Variants in CYB5R4 observed in about 807,000 individuals in gnomAD.
CYB5R4 encodes the protein cytochrome b5 reductase 4.
Under a neutral mutation model 70.2 loss-of-function variants are expected in CYB5R4, and 55 were observed. The ratio of observed to expected loss-of-function variants is 0.78; its 90% confidence interval spans 0.63 to 0.98. CYB5R4 has a LOEUF of 0.98. Among genes scored for constraint, CYB5R4 ranks in the 50% least tolerant of loss-of-function variants. CYB5R4 has a pLI of 0.00. For missense variants in CYB5R4, 562 were observed against 612.6 expected, an observed-to-expected ratio of 0.92 and a Z score of 0.87; for synonymous variants, 197 against 199.5, an observed-to-expected ratio of 0.99 and a Z score of 0.11.
chr6:83,912,135 CAT>C (rs2099464799), intron 4 of CYB5R4, among the ~76,000 whole-genome samples: 2 of 151,144 alleles, frequency 1.3e-5, no homozygotes, highest in African/African-American at 2.4e-5. Flanking sequence ...GTATTGCACT[CAT>C]GTGATTCAAG....
intron 3 of CYB5R4, among the ~76,000 whole-genome samples, chr6:83,895,182 A>G (rs138848908): frequency 1.2e-3 from 183 of 152,158 alleles, no homozygotes; most frequent in Admixed American, 1.4e-3. Context: ...CTGTGTATCT[A>G]TGAGACAGAG....
chr6:83,919,148 T>C (rs1343204248), intron 6 of CYB5R4, among the ~76,000 whole-genome samples: 2 of 152,066 alleles, frequency 1.3e-5, no homozygotes, highest in African/African-American at 4.8e-5. Flanking sequence ...ATAAAAAGGG[T>C]CTTGTTGAGG....
chr6:83,930,941 C>T (rs1255252098), intron 10 of CYB5R4, among the ~76,000 whole-genome samples: 3 of 152,204 alleles, frequency 2.0e-5, no homozygotes, highest in African/African-American at 7.2e-5. Context: ...TCACCTCTCT[C>T]AGCCCTCCTA....
intron 5 of CYB5R4, 91 bp from the exon 6 acceptor site, chr6:83,917,914 A>C (rs554094102): frequency 2.9e-5 from 27 of 937,714 alleles, no homozygotes; most frequent in Non-Finnish European, 4.4e-5. Context: ...CCTTTTATGA[A>C]TATATGTGAT....
At chr6:83,946,394 C>A (rs1379226263) in intron 14 of CYB5R4, among the ~76,000 whole-genome samples, 1 of 151,130 alleles carries the variant, frequency 6.6e-6, no homozygotes, top group Non-Finnish European at 1.5e-5. Flanking sequence ...TAAAAACACT[C>A]AAACTAGGTA....
intron 2 of CYB5R4, among the ~76,000 whole-genome samples, chr6:83,885,806 T>C (rs2099460163): frequency 6.6e-6 from 1 of 152,152 alleles, no homozygotes; most frequent in South Asian, 2.1e-4. Flanking sequence ...CTATTGCTGG[T>C]AAGAATGGAA....
rs2099474226 is a variant in CYB5R4 at position 83,967,311 on chromosome 6, AAG to A, written c.*7436_*7437del. The A allele has an allele frequency of 6.6e-6, 1 of 152,226 alleles. No homozygotes were observed. Among genetic ancestry groups the A allele is most frequent in the Non-Finnish European group, 1.5e-5 (1 of 68,036 alleles). 9.4% of individuals were successfully genotyped at this position (152,226 alleles called of 1,614,324 possible). A position where few individuals can be genotyped will look rare whatever the true frequency, so the allele number is the denominator to read the frequency against. ...AAAACAAAATGAGAGTTAAAAAAGA[AAG>A]AGTATAGGTATATGCTAAACTATTT... On this transcript the variant is annotated 3_prime_UTR_variant, in exon 16 of 16. Coordinates refer to ENST00000369681, the MANE Select transcript of CYB5R4 (RefSeq NM_016230.4).
intron 15 of CYB5R4, among the ~76,000 whole-genome samples, chr6:83,958,483 C>T (rs764602353): frequency 6.6e-6 from 1 of 152,048 alleles, no homozygotes; most frequent in African/African-American, 2.4e-5. Context: ...ACCTACCAGT[C>T]AAGAGAGATG....
chr6:83,900,853 A>G (rs1006369197), intron 3 of CYB5R4, among the ~76,000 whole-genome samples: 3 of 152,006 alleles, frequency 2.0e-5, no homozygotes, highest in African/African-American at 4.8e-5. Flanking sequence ...TTTTGAGTCT[A>G]TGTGTGTCTC....
rs377209030 is a variant in CYB5R4, at chr6:83,967,321, G to A, written c.*7443G>A. The A allele has an allele frequency of 7.9e-5, 12 of 152,244 alleles. No individual in the cohort carries two copies. The highest frequency in any genetic ancestry group is 1.4e-4 in the African/African-American group (6 of 41,552). 9.4% of individuals were successfully genotyped at this position (152,244 alleles called of 1,614,324 possible). ...GAGAGTTAAAAAAGAAAGAGTATAG[G>A]TATATGCTAAACTATTTCAGTAGTT... On this transcript the variant is annotated 3_prime_UTR_variant, in exon 16 of 16. Coordinates refer to ENST00000369681, the MANE Select transcript of CYB5R4 (RefSeq NM_016230.4).
At chr6:83,956,105 C>G (rs1413365567) in intron 15 of CYB5R4, among the ~76,000 whole-genome samples, 1 of 152,072 alleles carries the variant, frequency 6.6e-6, no homozygotes, top group Non-Finnish European at 1.5e-5. Flanking sequence ...GTGCCCTATT[C>G]TTATTTAGTA....
intron 3 of CYB5R4, among the ~76,000 whole-genome samples, chr6:83,900,178 A>C (rs1300195801): frequency 1.3e-5 from 2 of 151,956 alleles, no homozygotes; most frequent in Non-Finnish European, 2.9e-5. Flanking sequence ...CTTTGTTCTC[A>C]TTGGTTTCAA....
chr6:83,886,745 C>A (rs937444928), intron 2 of CYB5R4, among the ~76,000 whole-genome samples: 4 of 151,992 alleles, frequency 2.6e-5, no homozygotes, highest in African/African-American at 7.2e-5. Flanking sequence ...AGAGTTACTC[C>A]CTTTTAAAGA....
At chr6:83,909,169 G>GATTTTAACTTGGA (rs2099464285) in intron 4 of CYB5R4, 79 bp downstream of exon 4, 1 of 1,160,746 alleles carries the variant, frequency 8.6e-7, no homozygotes, top group Admixed American at 1.9e-5. Context: ...AAACAACTAG[G>GATTTTAACTTGGA]TCTATACAAA....
chr6:83,934,804 C>T, intron 11 of CYB5R4, 69 bp downstream of exon 11: 7 of 1,323,362 alleles, frequency 5.3e-6, no homozygotes, highest in South Asian at 3.0e-5. Context: ...GTACTATTCT[C>T]TCTAGAAAAC....
intron 3 of CYB5R4, among the ~76,000 whole-genome samples, chr6:83,902,092 C>T (rs539758361): frequency 6.6e-6 from 1 of 152,226 alleles, no homozygotes; most frequent in Non-Finnish European, 1.5e-5. Flanking sequence ...AAAATCTTTG[C>T]TTAGACCAAT....
chr6:83,933,438 T>C (rs2099468448), intron 10 of CYB5R4, among the ~76,000 whole-genome samples: 1 of 152,208 alleles, frequency 6.6e-6, no homozygotes, highest in African/African-American at 2.4e-5. Context: ...AGTTTTCTAC[T>C]AAGCATTGAT....
chr6:83,936,352 C>G lies in CYB5R4; in HGVS notation c.1084C>G (p.Pro362Ala). The part of the protein sequence containing the change: ...IKIYPTGLFT[P>A]ELDRLQIGDF... The stretch of plus-strand genomic sequence containing the variant: ...AATCTATCCCACTGGACTCTTCACA[C>G]CAGAGCTTGATCGTCTTCAGATTGG... Residue 362 changes from proline (P) to alanine (A), a missense_variant, in exon 12 of 16, where the codon CCA becomes GCA. Pro to Ala is a conservative substitution (Grantham distance 27). Transcript: ENST00000369681. 1.2e-6 allele frequency: 2 copies of G among 1,611,290 alleles called. No individual in the cohort carries two copies. The highest frequency in any genetic ancestry group is 3.4e-5 in the Admixed American group (2 of 58,948).
intron 14 of CYB5R4, among the ~76,000 whole-genome samples, chr6:83,941,944 C>A (rs2099469833): frequency 6.6e-6 from 1 of 152,166 alleles, no homozygotes; most frequent in Admixed American, 6.5e-5. Flanking sequence ...AAATTACTTA[C>A]CTCTGGGGGC....
Sources: allele counts gnomAD v4.1 joint callset (sites outside exome capture counted in the v4.1 genomes callset), GRCh38; gene constraint gnomAD v4.1.1; transcripts MANE v1.5; gene names NCBI Gene and HGNC (gene_info 2026-07-23, HGNC 2026-07-21).